MAGI2: variants seen among roughly 807,000 people sequenced by gnomAD.
MAGI2 encodes the protein membrane associated guanylate kinase, WW and PDZ domain containing 2.
MAGI2 carries 35 observed loss-of-function variants against 133.3 expected under a neutral mutation model. The ratio of observed to expected loss-of-function variants is 0.26; its 90% CI spans 0.20 to 0.35. MAGI2 has a LOEUF of 0.35. Among genes scored for constraint, MAGI2 ranks in the 10% least tolerant of loss-of-function variants. The probability of loss-of-function intolerance (pLI) is 1.00; values close to 1 mark genes in which losing one functional copy is unlikely to be tolerated. For synonymous variants in MAGI2, 729 were observed against 710.6 expected, an observed-to-expected ratio of 1.03 and a Z score of -0.41; for missense variants, 1,636 against 1,863.4, an observed-to-expected ratio of 0.88 and a Z score of 2.25.
chr7:78,759,453 T>A (rs1341283638), intron 2 of MAGI2, among the ~76,000 whole-genome samples: 1 of 152,198 alleles, frequency 6.6e-6, no homozygotes, highest in East Asian at 1.9e-4. Flanking sequence ...ATGGTTGGGA[T>A]ATGCCTTGTA....
At chr7:79,327,369 A>G (rs1190892122) in intron 1 of MAGI2, among the ~76,000 whole-genome samples, 1 of 152,134 alleles carries the variant, frequency 6.6e-6, no homozygotes, top group Non-Finnish European at 1.5e-5. Flanking sequence ...ATGCTTATAG[A>G]CAGAGTAGAT....
intron 1 of MAGI2, among the ~76,000 whole-genome samples, chr7:79,228,267 CG>C (rs576591261): frequency 2.0e-4 from 29 of 145,542 alleles, no homozygotes; most frequent in Admixed American, 6.5e-4. Context: ...TGCTGGACCC[CG>C]GGAGTTCAAG....
chr7:78,679,660 G>C (rs968010026), intron 2 of MAGI2, among the ~76,000 whole-genome samples: 3 of 152,156 alleles, frequency 2.0e-5, no homozygotes, highest in African/African-American at 7.2e-5. Flanking sequence ...CTTCCAAAGA[G>C]AAAATGCTAT....
chr7:79,053,546 C>A (rs938952311), intron 1 of MAGI2, among the ~76,000 whole-genome samples: 22 of 151,860 alleles, frequency 1.4e-4, no homozygotes, highest in African/African-American at 5.3e-4. Flanking sequence ...TAATATGTAT[C>A]CCATTTTTAA....
intron 1 of MAGI2, among the ~76,000 whole-genome samples, chr7:79,445,827 A>G (rs1367554728): frequency 6.6e-6 from 1 of 152,240 alleles, no homozygotes; most frequent in African/African-American, 2.4e-5. Flanking sequence ...TATATACCCA[A>G]AGGATTATAA....
intron 4 of MAGI2, among the ~76,000 whole-genome samples, chr7:78,509,005 A>G (rs572659524): frequency 1.3e-5 from 2 of 151,504 alleles, no homozygotes; most frequent in East Asian, 3.9e-4. Context: ...CCTCAGCTTC[A>G]TATGTAAAAT....
intron 6 of MAGI2, among the ~76,000 whole-genome samples, chr7:78,455,681 A>G (rs1789235227): frequency 2.0e-5 from 3 of 152,164 alleles, no homozygotes; most frequent in Admixed American, 6.5e-5. Context: ...TTTTCCTGCC[A>G]TAATATAGTC....
At chr7:78,684,448 C>A (rs990773552) in intron 2 of MAGI2, among the ~76,000 whole-genome samples, 5 of 152,124 alleles carry the variant, frequency 3.3e-5, no homozygotes, top group Admixed American at 2.6e-4. Context: ...GGAAGCACGT[C>A]TTTGATCTCT....
chr7:79,208,529 A>G (rs1829247450), intron 1 of MAGI2, among the ~76,000 whole-genome samples: 2 of 151,950 alleles, frequency 1.3e-5, no homozygotes, highest in African/African-American at 2.4e-5. Context: ...ACAAAAAAAG[A>G]GAAGTGTCAG....
At chr7:79,365,313 G>T (rs1842628083) in intron 1 of MAGI2, among the ~76,000 whole-genome samples, 1 of 152,142 alleles carries the variant, frequency 6.6e-6, no homozygotes, top group Non-Finnish European at 1.5e-5. Flanking sequence ...AGCTAGTTTG[G>T]CAGTGTGTTA....
At chr7:78,638,106 T>C (rs1809874406) in intron 2 of MAGI2, among the ~76,000 whole-genome samples, 1 of 151,450 alleles carries the variant, frequency 6.6e-6, no homozygotes, top group Admixed American at 6.6e-5. Flanking sequence ...AAAAGAAAGC[T>C]GAACTCATCA....
At position 78,122,809 on chromosome 7, in the gene MAGI2, A is replaced by G. The variant is rs1820594344; in HGVS notation, c.3567+2885T>C. ...CCTGATTTCTTACATTCCCTGTTTT[A>G]CTGAGCTTTGCCAATATTATTTTTT... On this transcript the variant is annotated intron_variant, in intron 20 of 21. Coordinates refer to ENST00000354212, the MANE Select transcript of MAGI2 (RefSeq NM_012301.4). Among the ~76,000 whole-genome samples, 4 of 152,144 alleles carry G rather than the reference A, an allele frequency of 2.6e-5. No homozygotes were observed. The South Asian group carries it at 8.3e-4, about 32-fold the overall frequency.
At chr7:78,465,337 A>G (rs886154850) in intron 6 of MAGI2, among the ~76,000 whole-genome samples, 3 of 152,206 alleles carry the variant, frequency 2.0e-5, no homozygotes, top group Admixed American at 6.5e-5. Context: ...CAATGGGCAC[A>G]TAGAGACTAT....
At chr7:78,534,722 T>G (rs1797736328) in intron 3 of MAGI2, among the ~76,000 whole-genome samples, 1 of 152,190 alleles carries the variant, frequency 6.6e-6, no homozygotes, top group African/African-American at 2.4e-5. Context: ...TGACCTTTGT[T>G]TCTAGACTGA....
intron 6 of MAGI2, among the ~76,000 whole-genome samples, chr7:78,376,102 C>T (rs1365366956): frequency 1.3e-5 from 2 of 151,998 alleles, no homozygotes; most frequent in African/African-American, 2.4e-5. Context: ...AGTCCCATTA[C>T]CTCATGTACA....
At chr7:79,216,463 C>T (rs1830043563) in intron 1 of MAGI2, among the ~76,000 whole-genome samples, 1 of 151,988 alleles carries the variant, frequency 6.6e-6, no homozygotes, top group Non-Finnish European at 1.5e-5. Flanking sequence ...CACTGAGCTG[C>T]TTAACACTTA....
intron 1 of MAGI2, among the ~76,000 whole-genome samples, chr7:79,164,214 TG>T (rs1824703658): frequency 6.6e-6 from 1 of 152,072 alleles, no homozygotes; most frequent in African/African-American, 2.4e-5. Flanking sequence ...GTAAGGGGTC[TG>T]GGGAGTCATG....
intron 2 of MAGI2, among the ~76,000 whole-genome samples, chr7:78,672,998 G>C (rs1814574127): frequency 6.6e-6 from 1 of 152,118 alleles, no homozygotes; most frequent in South Asian, 2.1e-4. Context: ...TTCTTCTGAA[G>C]TATTAGATCA....
chr7:78,563,223 T>C (rs147561340), intron 3 of MAGI2, among the ~76,000 whole-genome samples: 22 of 152,312 alleles, frequency 1.4e-4, no homozygotes, highest in African/African-American at 5.3e-4. Context: ...GAAAAGGTTT[T>C]ATAATTTGAA....
Sources: gnomAD v4.1 joint callset for allele counts (sites outside exome capture counted in the v4.1 genomes callset) on GRCh38, gnomAD v4.1.1 for gene constraint, MANE v1.5 for transcripts, NCBI Gene and HGNC (gene_info 2026-07-23, HGNC 2026-07-21) for gene names.